EPHB2: variants seen among roughly 807,000 people sequenced by gnomAD.
EPHB2 encodes the protein EPH receptor B2.
A neutral mutation model predicts 96.4 loss-of-function variants in EPHB2; 18 were observed. The observed-to-expected ratio is 0.19, with a 90% CI of 0.13 to 0.28. The LOEUF (loss-of-function observed/expected upper bound fraction) is 0.28, where lower values mean the gene tolerates loss of function less well. EPHB2 is among the 10% of genes least tolerant of loss of function. EPHB2 has a pLI of 1.00. For missense variants in EPHB2, 989 were observed against 1,355.4 expected (o/e 0.73, Z 4.25); for synonymous variants, 506 against 534.1 (o/e 0.95, Z 0.72).
At chr1:22,911,516 C>G (rs989138623) in intron 14 of EPHB2, among the ~76,000 whole-genome samples, 7 of 152,206 alleles carry the variant, frequency 4.6e-5, no homozygotes, top group Admixed American at 3.3e-4. Flanking sequence ...ACGGGCTCAG[C>G]CTGAGGGGTG....
At chr1:22,798,749 C>T (rs542174641) in intron 3 of EPHB2, among the ~76,000 whole-genome samples, 1 of 152,060 alleles carries the variant, frequency 6.6e-6, no homozygotes, top group African/African-American at 2.4e-5. Context: ...CCTCAGTTTC[C>T]CTGTTGTTAA....
intron 1 of EPHB2, among the ~76,000 whole-genome samples, chr1:22,751,789 C>A (rs1273201662): frequency 6.6e-6 from 1 of 152,200 alleles, no homozygotes; most frequent in Non-Finnish European, 1.5e-5. Flanking sequence ...ATGATGTCAG[C>A]TCCTTCTGGA....
chr1:22,773,650 A>T (rs1397022205), intron 1 of EPHB2, among the ~76,000 whole-genome samples: 1 of 152,152 alleles, frequency 6.6e-6, no homozygotes, highest in Non-Finnish European at 1.5e-5. Context: ...CTCAGAGCAG[A>T]CCACATCACT....
intron 5 of EPHB2, among the ~76,000 whole-genome samples, chr1:22,874,986 CAT>C (rs1397935212): frequency 1.3e-5 from 2 of 152,174 alleles, no homozygotes; most frequent in East Asian, 1.9e-4. Context: ...GAATTAAACA[CAT>C]GTGCAGTGTG....
intron 1 of EPHB2, among the ~76,000 whole-genome samples, chr1:22,713,997 C>G (rs1315221157): frequency 6.6e-6 from 1 of 152,242 alleles, no homozygotes; most frequent in African/African-American, 2.4e-5. Flanking sequence ...AGGCCGGTGG[C>G]AGACCCTGTC....
chr1:22,734,422 C>CTTT (rs66686608), intron 1 of EPHB2, among the ~76,000 whole-genome samples: 1 of 135,674 alleles, frequency 7.4e-6, no homozygotes, highest in Admixed American at 7.4e-5. Flanking sequence ...TGTCAATATT[C>CTTT]TTTTTTTTTT....
chr1:22,903,850 T>G (rs1404294860), intron 9 of EPHB2, among the ~76,000 whole-genome samples: 2 of 151,966 alleles, frequency 1.3e-5, no homozygotes. Context: ...AAAAAAAACA[T>G]GTGTCCATTT....
rs191396990 is a variant in EPHB2 at position 22,821,286 on chromosome 1, G to A, written c.811+36210G>A. 2.0e-5 allele frequency among the ~76,000 whole-genome samples: 3 copies of A among 152,344 alleles called. No individual in the cohort carries two copies. In the East Asian group the frequency reaches 5.8e-4, roughly 29 times the overall value. On this transcript the variant is annotated intron_variant, in intron 3 of 15. Coordinates refer to ENST00000374630, the MANE Select transcript of EPHB2 (RefSeq NM_017449.5). ...TACCCAGATGCAAGACAGTCAGGAA[G>A]CATAAGCTTGATTCTGGAATGCCAT...
intron 1 of EPHB2, among the ~76,000 whole-genome samples, chr1:22,732,864 C>T (rs1234453187): frequency 6.6e-6 from 1 of 152,192 alleles, no homozygotes; most frequent in Non-Finnish European, 1.5e-5. Flanking sequence ...CCAGACCTGG[C>T]ACATCACACA....
At position 22,915,692 on chromosome 1, in the gene EPHB2, A is replaced by T. The variant is rs555222047; in HGVS notation, c.*2122A>T. On this transcript the variant is annotated 3_prime_UTR_variant, in exon 16 of 16. Coordinates refer to ENST00000374630, the MANE Select transcript of EPHB2 (RefSeq NM_017449.5). Reference sequence around the variant, plus strand: ...GGAACGTGAGGGTCTTAGAGTGCTCATGTACCCCCAGGCACAGCCAACTCT... The same window carrying T: ...GGAACGTGAGGGTCTTAGAGTGCTCTTGTACCCCCAGGCACAGCCAACTCT... The T allele has an allele frequency of 1.3e-5, 2 of 152,400 alleles. No individual in the cohort carries two copies. The highest frequency in any genetic ancestry group is 4.8e-5 in the African/African-American group (2 of 41,572). 9.4% of individuals were successfully genotyped at this position (152,400 alleles called of 1,614,324 possible). A position where few individuals can be genotyped will look rare whatever the true frequency, so the allele number is the denominator to read the frequency against.
chr1:22,743,425 T>C (rs1643927907), intron 1 of EPHB2, among the ~76,000 whole-genome samples: 2 of 152,168 alleles, frequency 1.3e-5, no homozygotes, highest in Admixed American at 6.5e-5. Context: ...TGGTCATCAC[T>C]ACTTCATAAT....
intron 3 of EPHB2, among the ~76,000 whole-genome samples, chr1:22,805,242 T>C (rs2148453748): frequency 6.6e-6 from 1 of 152,236 alleles, no homozygotes; most frequent in East Asian, 1.9e-4. Context: ...AGAAAATGGA[T>C]TCTAAAGGGA....
chr1:22,837,882 C>T (rs941297026), intron 3 of EPHB2, among the ~76,000 whole-genome samples: 1 of 152,078 alleles, frequency 6.6e-6, no homozygotes. Context: ...CCAGCTGGTG[C>T]CCCACTGCTT....
chr1:22,817,415 A>G (rs1645090352), intron 3 of EPHB2, among the ~76,000 whole-genome samples: 1 of 152,224 alleles, frequency 6.6e-6, no homozygotes, highest in South Asian at 2.1e-4. Context: ...TAGAACCCGC[A>G]GTTGCCTGGG....
chr1:22,846,846 G>A lies in EPHB2; in HGVS notation c.812-16191G>A, dbSNP rs1645550662. 6.6e-6 allele frequency among the ~76,000 whole-genome samples: 1 copy of A among 152,166 alleles called. No individual in the cohort carries two copies. The highest frequency in any genetic ancestry group is 6.5e-5 in the Admixed American group (1 of 15,268). Reference sequence around the variant, plus strand: ...CCTCCTCTGGGCTTCCAGACCCAGCGCCTCTTCCCCACAGGCTTCCCCAGA... The same window carrying A: ...CCTCCTCTGGGCTTCCAGACCCAGCACCTCTTCCCCACAGGCTTCCCCAGA... On this transcript the variant is annotated intron_variant, in intron 3 of 15. Transcript: ENST00000374630. This position sits in a 1 kb window ranked among gnomAD's most constrained non-coding sequence, Gnocchi z 4.3.
In EPHB2 at chr1:22,910,368, C is replaced by T. The variant is rs1176460961; in HGVS notation, c.2503-14C>T. 5 of 1,614,086 alleles carry T rather than the reference C, an allele frequency of 3.1e-6. No homozygotes were observed. In the South Asian group the frequency reaches 4.4e-5, roughly 14 times the overall value. ...CCATCCACCCAACCCCACTGCACTC[C>T]TGCATTGTCCCAGGTAATCAATGCC... On this transcript the variant is annotated splice_polypyrimidine_tract_variant and intron_variant, in intron 13 of 15. Transcript: ENST00000374630.
Position 22,908,968 on chromosome 1 carries a change from G to A in EPHB2, c.2353-54G>A, listed in dbSNP as rs1640002932. 2.5e-6 allele frequency: 4 copies of A among 1,610,706 alleles called. No individual in the cohort carries two copies. In the African/African-American group the frequency reaches 5.3e-5, roughly 22 times the overall value. On this transcript the variant is annotated intron_variant, in intron 12 of 15. Transcript: ENST00000374630. ...GCACAGGGTGGGAGGATTAAGAGAA[G>A]AGGTCAGACAGGCCAGCCTCCCACC...
At chr1:22,904,990 A>G (rs1396828927) in intron 9 of EPHB2, among the ~76,000 whole-genome samples, 1 of 152,252 alleles carries the variant, frequency 6.6e-6, no homozygotes, top group Non-Finnish European at 1.5e-5. Context: ...TGGCAGGAGA[A>G]TGTGAGCAGG....
chr1:22,774,619 A>G (rs1644421872), intron 1 of EPHB2: 1 of 985,248 alleles, frequency 1.0e-6, no homozygotes, highest in Admixed American at 6.2e-5. Flanking sequence ...TACGAGAGAC[A>G]CGGAAGACGG....
Sources: allele counts gnomAD v4.1 joint callset (sites outside exome capture counted in the v4.1 genomes callset), GRCh38; gene constraint gnomAD v4.1.1; non-coding constraint Gnocchi (gnomAD v3.1); transcripts MANE v1.5; gene names NCBI Gene and HGNC (gene_info 2026-07-23, HGNC 2026-07-21).